SLC39A13: variants seen among roughly 807,000 people sequenced by gnomAD.
SLC39A13 encodes the protein solute carrier family 39 member 13.
A neutral mutation model predicts 38.7 loss-of-function variants in SLC39A13; 18 were observed. The observed-to-expected ratio is 0.47, with a 90% CI of 0.32 to 0.69. SLC39A13 has a LOEUF of 0.69. Ranked by LOEUF, SLC39A13 falls within the 30% of genes least tolerant of loss-of-function variation. The pLI is 0.03. For missense variants in SLC39A13, 395 were observed against 490.7 expected (o/e 0.80, Z 1.84); for synonymous variants, 212 against 219.1 (o/e 0.97, Z 0.29).
Position 47,415,245 on chromosome 11 carries a change from C to T in SLC39A13, c.1041-43C>T, listed in dbSNP as rs201622376. 5.4e-5 allele frequency: 87 copies of T among 1,613,402 alleles called. 1 individual carries two copies. The highest frequency in any genetic ancestry group is 1.5e-4 in the South Asian group (14 of 91,082). ...GAAGGGCTCCTGGCCGCTGCCTGCTCCCCCTGCCCATGCCTCCACCGTGAG... is the reference window on the plus strand; with the variant it reads ...GAAGGGCTCCTGGCCGCTGCCTGCTTCCCCTGCCCATGCCTCCACCGTGAG... On this transcript the variant is annotated intron_variant, in intron 9 of 9. Coordinates refer to ENST00000362021, the MANE Select transcript of SLC39A13 (RefSeq NM_001128225.3).
At chr11:47,407,374 T>C (rs1188601978), upstream of SLC39A13, 3 of 152,180 alleles carry the variant, frequency 2.0e-5, no homozygotes, top group Non-Finnish European at 4.4e-5. Flanking sequence ...CAGTGCAACA[T>C]GAAGTGGGAC....
Position 47,415,275 on chromosome 11 carries a change from TC to T in SLC39A13, c.1041-10del. The stretch of plus-strand genomic sequence containing the variant: ...TGCCCATGCCTCCACCGTGAGCCGT[TC>T]CCTCCCCACAGGCGCTCCCTGCAGC... On this transcript the variant is annotated splice_polypyrimidine_tract_variant and intron_variant, in intron 9 of 9. Transcript: ENST00000362021. 6.2e-7 allele frequency: 1 copy of T among 1,613,802 alleles called. No homozygotes were observed. The highest frequency in any genetic ancestry group is 8.5e-7 in the Non-Finnish European group (1 of 1,180,006).
At chr11:47,413,836 C>T in intron 6 of SLC39A13, 150 bp downstream of exon 6, 1 of 866,502 alleles carries the variant, frequency 1.2e-6, no homozygotes, top group South Asian at 1.4e-5. Flanking sequence ...GCTGTCCTGG[C>T]CGCCACTGTT....
chr11:47,409,771 G>A lies in SLC39A13; in HGVS notation c.-8-316G>A, dbSNP rs7130845. The stretch of plus-strand genomic sequence containing the variant: ...GCAGCCAGAGACACCCAGCTGGGCC[G>A]GGCCGTGCCGCCGGTGGCTGAGGAG... On this transcript the variant is annotated intron_variant, in intron 1 of 9. Transcript: ENST00000362021. 744 of 338,910 alleles carry A rather than the reference G, an allele frequency of 2.2e-3. 2 individuals are homozygous for A. Among genetic ancestry groups the A allele is most frequent in the African/African-American group, 0.015 (712 of 47,086 alleles). The allele number at this position is 338,910 out of a possible 1,614,324, so 21.0% of individuals were successfully genotyped here.
chr11:47,412,276 C>T (rs1007603576), intron 3 of SLC39A13, 70 bp from the exon 4 acceptor site: 143 of 1,553,360 alleles, frequency 9.2e-5, no homozygotes, highest in Non-Finnish European at 1.4e-5. Context: ...AGATCCCATT[C>T]CAAATGGCCC....
At chr11:47,414,540 G>C (rs2096016099) in intron 7 of SLC39A13, 65 bp downstream of exon 7, 1 of 1,580,042 alleles carries the variant, frequency 6.3e-7, no homozygotes, top group Admixed American at 1.7e-5. Flanking sequence ...CAGCATGGGT[G>C]TGGAGCTCAG....
Position 47,412,048 on chromosome 11 carries a change from G to A in SLC39A13, c.415+9G>A, listed in dbSNP as rs1595881246. On this transcript the variant is annotated intron_variant, in intron 3 of 9. Transcript: ENST00000362021. ...GTGCAGCGCCAGCCCTGGTAAGTGA[G>A]GCCACACGCCAGGGGCAAGACAGTG... The A allele has an allele frequency of 6.2e-7, 1 of 1,603,058 alleles. No homozygotes were observed. Among genetic ancestry groups the A allele is most frequent in the Non-Finnish European group, 8.5e-7 (1 of 1,175,136 alleles).
rs1249899133 is a variant in SLC39A13, at chr11:47,415,459, T to G, written c.*96T>G. On this transcript the variant is annotated 3_prime_UTR_variant, in exon 10 of 10. Coordinates refer to ENST00000362021, the MANE Select transcript of SLC39A13 (RefSeq NM_001128225.3). ...GTGAGAGGCAGAGAGGGCGAGTGGC[T>G]GCGAGAGAGAATGAGCCTCCCGCCA... The G allele has an allele frequency of 7.1e-7, 1 of 1,412,858 alleles. No individual in the cohort carries two copies. Among genetic ancestry groups the G allele is most frequent in the East Asian group, 2.3e-5 (1 of 43,884 alleles). The allele number at this position is 1,412,858 out of a possible 1,614,324, so 87.5% of individuals were successfully genotyped here. A position where few individuals can be genotyped will look rare whatever the true frequency, so the allele number is the denominator to read the frequency against.
At chr11:47,412,790 C>T (rs1365104721) in intron 4 of SLC39A13, among the ~76,000 whole-genome samples, 4 of 130,806 alleles carry the variant, frequency 3.1e-5, no homozygotes, top group Non-Finnish European at 6.2e-5. Flanking sequence ...GAGACGGAGT[C>T]TCGCTCTGTC....
rs528068961 is a variant in SLC39A13 at position 47,412,229 on chromosome 11, C to T, written c.416-117C>T. 8 of 1,437,258 alleles carry T rather than the reference C, an allele frequency of 5.6e-6. No individual in the cohort carries two copies. The East Asian group carries it at 2.0e-4, about 36-fold the overall frequency. 89.0% of individuals were successfully genotyped at this position (1,437,258 alleles called of 1,614,324 possible). On this transcript the variant is annotated intron_variant, in intron 3 of 9. Transcript: ENST00000362021. The stretch of plus-strand genomic sequence containing the variant: ...AGTGGGAGTTCTGGGCCCCAGCTGC[C>T]CAACCCACCCTTGTCACTGCCCTGG...
chr11:47,407,775 G>C (rs1264247424), upstream of SLC39A13, among the ~76,000 whole-genome samples: 2 of 152,268 alleles, frequency 1.3e-5, no homozygotes, highest in Non-Finnish European at 2.9e-5. Context: ...GATTCAGTGA[G>C]ATAGTGCGAG....
chr11:47,414,682 G>A, intron 7 of SLC39A13, 95 bp from the exon 8 acceptor site: 1 of 1,582,430 alleles, frequency 6.3e-7, no homozygotes, highest in Non-Finnish European at 8.6e-7. Context: ...GGAAGGGTGG[G>A]GAAGGGCAGG....
In SLC39A13 at chr11:47,413,435, G is replaced by A. The variant is rs2293576; in HGVS notation, c.573G>A (p.Ala191=). 516,132 of 1,613,866 alleles carry A rather than the reference G, an allele frequency of 0.32. 87,445 individuals are homozygous for A. Among genetic ancestry groups the A allele is most frequent in the South Asian group, 0.45 (41,055 of 91,072 alleles). Residue 191 remains alanine, a synonymous_variant, in exon 5 of 10, where the codon GCG becomes GCA. Transcript: ENST00000362021. ...PNKDPTAAAA[A]LNGGHCLAQP... ...AAGACCCCACTGCTGCTGCCGCCGC[G>A]CTCAATGGAGGCCACTGTCTGGCCC...
chr11:47,408,560 G>GGGCCGGGC (rs527650374), upstream of SLC39A13: 294 of 146,394 alleles, frequency 2.0e-3, no homozygotes, highest in Admixed American at 3.5e-3. Flanking sequence ...CCCGGGCCGG[G>GGGCCGGGC]GGCCGGGCGG....
intron 2 of SLC39A13, among the ~76,000 whole-genome samples, chr11:47,410,815 C>T (rs189745152): frequency 4.6e-5 from 7 of 152,316 alleles, no homozygotes; most frequent in East Asian, 1.9e-4. Flanking sequence ...CTGTTAGAAA[C>T]GAGCATCCCA....
At chr11:47,411,852 G>A in intron 2 of SLC39A13, 74 bp from the exon 3 acceptor site, 1 of 1,436,568 alleles carries the variant, frequency 7.0e-7, no homozygotes, top group Non-Finnish European at 9.6e-7. Context: ...AGAGCCCAGT[G>A]AGTGGGGTGG....
intron 7 of SLC39A13, 112 bp downstream of exon 7, chr11:47,414,587 T>G (rs960804183): frequency 1.9e-5 from 28 of 1,507,820 alleles, no homozygotes; most frequent in Non-Finnish European, 2.4e-5. Context: ...CATGGCACTC[T>G]GGGGCTGGGC....
intron 3 of SLC39A13, 94 bp downstream of exon 3, chr11:47,412,133 T>C (rs1276665535): frequency 7.2e-7 from 1 of 1,395,038 alleles, no homozygotes; most frequent in Non-Finnish European, 9.9e-7. Flanking sequence ...GGAGAGGGAT[T>C]CTGGGTTTCT....
intron 2 of SLC39A13, among the ~76,000 whole-genome samples, 180 bp from the exon 3 acceptor site, chr11:47,411,739 ATGGTGGT>A (rs1003096724): frequency 2.0e-5 from 3 of 152,260 alleles, no homozygotes; most frequent in African/African-American, 7.2e-5. Flanking sequence ...TCACCATGAC[ATGGTGGT>A]GGCCCTGTGG....
Sources: allele counts gnomAD v4.1 joint callset (sites outside exome capture counted in the v4.1 genomes callset), GRCh38; gene constraint gnomAD v4.1.1; transcripts MANE v1.5; gene names NCBI Gene and HGNC (gene_info 2026-07-23, HGNC 2026-07-21).